Variants in VIPAS39 observed in about 807,000 individuals in gnomAD.
VIPAS39 encodes the protein spermatogenesis-defective protein 39 homolog.
In VIPAS39, 63 loss-of-function variants were observed where a neutral mutation model predicts 84.7. The observed-to-expected ratio is 0.74, with a 90% CI of 0.61 to 0.92. The LOEUF is 0.92. VIPAS39 is among the 40% of genes least tolerant of loss of function. The probability of loss-of-function intolerance (pLI) is 0.00; values close to 1 mark genes in which losing one functional copy is unlikely to be tolerated. For synonymous variants in VIPAS39, 192 were observed against 216.5 expected (o/e 0.89, Z 0.99); for missense variants, 499 against 604.5 (o/e 0.83, Z 1.83).
intron 8 of VIPAS39, among the ~76,000 whole-genome samples, chr14:77,443,987 G>A (rs1286862014): frequency 6.8e-6 from 1 of 147,576 alleles, no homozygotes; most frequent in East Asian, 2.0e-4. Flanking sequence ...GCTACAGCGA[G>A]CCATCATCAC....
intron 16 of VIPAS39, 60 bp downstream of exon 16, chr14:77,433,782 T>C: frequency 1.3e-6 from 2 of 1,552,846 alleles, no homozygotes; most frequent in South Asian, 2.3e-5. Flanking sequence ...CTAGAACTTA[T>C]AACATGATAG....
chr14:77,450,321 G>C (rs1456116367), intron 4 of VIPAS39, among the ~76,000 whole-genome samples: 1 of 152,172 alleles, frequency 6.6e-6, no homozygotes, highest in Non-Finnish European at 1.5e-5. Context: ...TTAATGCTGA[G>C]TAACATTCCG....
intron 3 of VIPAS39, among the ~76,000 whole-genome samples, chr14:77,452,921 C>A (rs747068210): frequency 1.3e-5 from 2 of 152,072 alleles, no homozygotes; most frequent in Non-Finnish European, 2.9e-5. Flanking sequence ...TCAGTAGTTC[C>A]CAAATATGGC....
Position 77,444,332 on chromosome 14 carries a change from G to A in VIPAS39, c.514C>T (p.Leu172=). 4.3e-6 allele frequency: 7 copies of A among 1,613,478 alleles called. No homozygotes were observed. The highest frequency in any genetic ancestry group is 5.9e-6 in the Non-Finnish European group (7 of 1,179,534). Residue 172 remains leucine (L), a synonymous_variant, in exon 8 of 20, where the codon CTA becomes TTA. Transcript: ENST00000557658. ...RRLRKGKVCS[L]ERFRSLQDKL... is the part of the protein sequence containing the mutation. ...TCCTGTAAGGAGCGGAATCTCTCTA[G>A]TGAGCAAACCTGGCAGAATAACACT... is the stretch of plus-strand genomic sequence containing the variant.
intron 11 of VIPAS39, among the ~76,000 whole-genome samples, chr14:77,438,101 G>A (rs2078643258): frequency 6.6e-6 from 1 of 151,806 alleles, no homozygotes; most frequent in Non-Finnish European, 1.5e-5. Context: ...AGCTACAACT[G>A]TTTCTTTAAA....
chr14:77,444,772 C>T (rs1164781419), intron 7 of VIPAS39, among the ~76,000 whole-genome samples: 2 of 151,688 alleles, frequency 1.3e-5, no homozygotes, highest in Admixed American at 6.6e-5. Flanking sequence ...TTAGTAGAGA[C>T]GGGGTTTCAC....
chr14:77,430,107 T>C (rs2078497540), intron 16 of VIPAS39, among the ~76,000 whole-genome samples: 1 of 152,196 alleles, frequency 6.6e-6, no homozygotes, highest in Admixed American at 6.5e-5. Context: ...GTACAGATGT[T>C]TATTTGCAAA....
Position 77,444,262 on chromosome 14 carries a change from T to C in VIPAS39, c.584A>G (p.Asn195Ser). The change falls in exon 8 of 20, where the codon AAC becomes AGC. Residue 195 changes from asparagine (N) to serine (S), a missense_variant. By Grantham distance (46) the Asn-to-Ser change is conservative. Coordinates refer to ENST00000557658, the MANE Select transcript of VIPAS39 (RefSeq NM_001193315.2). ...CCGACAACTCACTGCAGTAATGACG[T>C]TTCCATCATGCATGCTTACTGCCTC... ...LEEAVSMHDG[N>S]VITAVLIFLK... 1.2e-6 allele frequency: 2 copies of C among 1,613,624 alleles called. No homozygotes were observed. The highest frequency in any genetic ancestry group is 1.1e-5 in the South Asian group (1 of 91,060).
At chr14:77,446,659 TG>T (rs1403405528) in intron 7 of VIPAS39, among the ~76,000 whole-genome samples, 1 of 152,130 alleles carries the variant, frequency 6.6e-6, no homozygotes, top group Non-Finnish European at 1.5e-5. Flanking sequence ...AGAACAACAT[TG>T]AAGGTTGAAA....
chr14:77,428,549 A>G (rs1208151916), intron 18 of VIPAS39, 75 bp from the exon 19 acceptor site: 24 of 1,301,826 alleles, frequency 1.8e-5, no homozygotes, highest in Non-Finnish European at 2.6e-5. Context: ...GATGGTCTCA[A>G]ACTCCTGGGC....
chr14:77,429,742 C>G lies in VIPAS39; in HGVS notation c.1205G>C (p.Arg402Thr). ...AACCCGATGGAAGCCAATGGGTGCT[C>G]TCTTCTTGGTATAGCCCAGCCAGTT... is the stretch of plus-strand genomic sequence containing the variant. ...TKNWLGYTKKRAPIGFHRVVE... is the reference protein window; with the variant it reads ...TKNWLGYTKKTAPIGFHRVVE... The change falls in exon 17 of 20, where the codon AGA (arginine) becomes ACA (threonine). Residue 402 changes from arginine to threonine, a missense_variant. By Grantham distance (71) the Arg-to-Thr change is moderately conservative (BLOSUM62 -1). Coordinates refer to ENST00000557658, the MANE Select transcript of VIPAS39 (RefSeq NM_001193315.2). The G allele has an allele frequency of 6.2e-7, 1 of 1,614,186 alleles. No individual in the cohort carries two copies. The highest frequency in any genetic ancestry group is 8.5e-7 in the Non-Finnish European group (1 of 1,180,028).
Position 77,454,093 on chromosome 14 carries a change from T to C in VIPAS39, c.10A>G (p.Thr4Ala). Reference sequence around the variant, plus strand: ...CAATACTCCTCCTCATCACCCTTTGTCCGATTCATCTACAGTGACAGGAAA... The same window carrying C: ...CAATACTCCTCCTCATCACCCTTTGCCCGATTCATCTACAGTGACAGGAAA... MNR[T>A]KGDEEEYWNS... Residue 4 changes from threonine to alanine, a missense_variant, in exon 2 of 20, where the codon ACA becomes GCA. Thr to Ala is a moderately conservative substitution (Grantham distance 58). Coordinates refer to ENST00000557658, the MANE Select transcript of VIPAS39 (RefSeq NM_001193315.2). 1.2e-6 allele frequency: 2 copies of C among 1,614,182 alleles called. No individual in the cohort carries two copies. The highest frequency in any genetic ancestry group is 1.7e-6 in the Non-Finnish European group (2 of 1,180,020).
chr14:77,429,548 G>C (rs1287828416), intron 17 of VIPAS39, 133 bp downstream of exon 17: 2 of 917,148 alleles, frequency 2.2e-6, no homozygotes, highest in Non-Finnish European at 3.6e-6. Context: ...TCTGTCTTGA[G>C]GCCTATTGCA....
chr14:77,436,859 CT>C (rs2078620902), intron 12 of VIPAS39, among the ~76,000 whole-genome samples: 1 of 152,140 alleles, frequency 6.6e-6, no homozygotes, highest in South Asian at 2.1e-4. Context: ...ACAGATATAT[CT>C]TTTAGAAAGT....
intron 16 of VIPAS39, among the ~76,000 whole-genome samples, chr14:77,431,112 T>C (rs973874013): frequency 6.6e-6 from 1 of 152,170 alleles, no homozygotes; most frequent in Non-Finnish European, 1.5e-5. Context: ...AAAAAGCTCC[T>C]TGACATTGGC....
At position 77,434,384 on chromosome 14, in the gene VIPAS39, CAG is replaced by C. The variant is rs2078572226; in HGVS notation, c.1048-83_1048-82del. On this transcript the variant is annotated intron_variant, in intron 14 of 19. Transcript: ENST00000557658. ...CAAGCTCTCATTTTCTTTCCCACTACAGAGACTTTCTACATCTTACTCTGCTG... is the reference window on the plus strand; with the variant it reads ...CAAGCTCTCATTTTCTTTCCCACTACAGACTTTCTACATCTTACTCTGCTG... 2.3e-6 allele frequency: 3 copies of C among 1,296,742 alleles called. No homozygotes were observed. In the African/African-American group the frequency reaches 4.4e-5, roughly 19 times the overall value. 80.3% of individuals were successfully genotyped at this position (1,296,742 alleles called of 1,614,324 possible).
chr14:77,448,406 G>T, intron 7 of VIPAS39, 88 bp downstream of exon 7: 1 of 1,263,776 alleles, frequency 7.9e-7, no homozygotes, highest in Non-Finnish European at 1.2e-6. Flanking sequence ...TTGAACAAAT[G>T]AGAACTGAAG....
chr14:77,440,037 C>T (rs1183359838), intron 11 of VIPAS39, among the ~76,000 whole-genome samples: 3 of 152,084 alleles, frequency 2.0e-5, no homozygotes, highest in African/African-American at 7.2e-5. Flanking sequence ...CATGCGCCAC[C>T]ATGCTTTGCT....
intron 17 of VIPAS39, among the ~76,000 whole-genome samples, 174 bp downstream of exon 17, chr14:77,429,507 G>A (rs760537546): frequency 4.6e-5 from 7 of 151,988 alleles, no homozygotes; most frequent in African/African-American, 2.4e-5. Flanking sequence ...CTAAAGGGGA[G>A]AAAGGGAGAG....
Sources: allele counts gnomAD v4.1 joint callset (sites outside exome capture counted in the v4.1 genomes callset), GRCh38; gene constraint gnomAD v4.1.1; transcripts MANE v1.5; gene names NCBI Gene and HGNC (gene_info 2026-07-23, HGNC 2026-07-21).